Variants in SLC12A2 observed in about 807,000 individuals in gnomAD.
The protein encoded by SLC12A2 is Na-K-2Cl cotransporter 1.
Under a neutral mutation model 136.3 loss-of-function variants are expected in SLC12A2, and 67 were observed. That is an observed-to-expected ratio of 0.49 (90% confidence interval 0.40 to 0.60). The LOEUF is 0.60. Among genes scored for constraint, SLC12A2 ranks in the 20% least tolerant of loss-of-function variants. The pLI, the probability that SLC12A2 is intolerant of heterozygous loss-of-function variation, is 0.00. For synonymous variants in SLC12A2, 619 were observed against 562.9 expected, an observed-to-expected ratio of 1.10 and a Z score of -1.41; for missense variants, 1,322 against 1,534.7, an observed-to-expected ratio of 0.86 and a Z score of 2.32.
At chr5:128,110,949 C>A in intron 1 of SLC12A2, 1 of 829,514 alleles carries the variant, frequency 1.2e-6, no homozygotes, top group Non-Finnish European at 2.1e-6. Context: ...CTGAGAATGA[C>A]CTCTTCCCTT....
chr5:128,132,214 G>A (rs1762048414), intron 5 of SLC12A2, among the ~76,000 whole-genome samples: 1 of 152,084 alleles, frequency 6.6e-6, no homozygotes, highest in Non-Finnish European at 1.5e-5. Flanking sequence ...TGGACTTGAG[G>A]AATCACAAAT....
At chr5:128,166,476 G>T (rs1315996537) in intron 17 of SLC12A2, among the ~76,000 whole-genome samples, 1 of 151,816 alleles carries the variant, frequency 6.6e-6, no homozygotes, top group African/African-American at 2.4e-5. Context: ...GTGTGTGTGT[G>T]TGTGTTTGTG....
At chr5:128,111,494 G>A (rs1761142085) in intron 1 of SLC12A2, among the ~76,000 whole-genome samples, 1 of 152,042 alleles carries the variant, frequency 6.6e-6, no homozygotes, top group Admixed American at 6.5e-5. Context: ...GGCTGGGCAC[G>A]GTGGCTCACA....
chr5:128,116,704 G>A (rs1429753079), intron 4 of SLC12A2, among the ~76,000 whole-genome samples: 1 of 152,138 alleles, frequency 6.6e-6, no homozygotes, highest in Non-Finnish European at 1.5e-5. Flanking sequence ...AATTTAAAGA[G>A]TGACCAGATA....
intron 1 of SLC12A2, among the ~76,000 whole-genome samples, chr5:128,088,548 TTTTG>T (rs199984664): frequency 0.053 from 7,949 of 150,088 alleles, 275 homozygotes; most frequent in Non-Finnish European, 0.072. Context: ...AGTTTTTTGT[TTTTG>T]TTTGTTTGTT....
In SLC12A2 at chr5:128,178,673, G is replaced by T; in HGVS notation, c.3084G>T (p.Trp1028Cys). 1 of 1,567,174 alleles carries T rather than the reference G, an allele frequency of 6.4e-7. No homozygotes were observed. Among genetic ancestry groups the T allele is most frequent in the Non-Finnish European group, 8.6e-7 (1 of 1,161,410 alleles). Residue 1028 changes from tryptophan to cysteine, a missense_variant, in exon 22 of 27, where the codon TGG becomes TGT. Transcript: ENST00000262461. Reference sequence around the variant, plus strand: ...GAAAGAATACTATTGATGTCTGGTGGCTTTTTGATGATGGAGGTAAGGTTG... The same window carrying T: ...GAAAGAATACTATTGATGTCTGGTGTCTTTTTGATGATGGAGGTAAGGTTG... ...KQGKNTIDVW[W>C]LFDDGGLTLL...
intron 16 of SLC12A2, among the ~76,000 whole-genome samples, chr5:128,161,212 A>G (rs1763025215): frequency 6.6e-6 from 1 of 152,192 alleles, no homozygotes; most frequent in Admixed American, 6.5e-5. Flanking sequence ...TTAAAGAAAA[A>G]TGCATTAATA....
chr5:128,157,500 G>A (rs190274498), intron 15 of SLC12A2, among the ~76,000 whole-genome samples: 1 of 152,242 alleles, frequency 6.6e-6, no homozygotes, highest in African/African-American at 2.4e-5. Flanking sequence ...AGAGAGGGCT[G>A]ATATCATGAA....
intron 16 of SLC12A2, among the ~76,000 whole-genome samples, chr5:128,161,129 A>G (rs960002136): frequency 1.3e-5 from 2 of 152,198 alleles, no homozygotes; most frequent in Non-Finnish European, 2.9e-5. Flanking sequence ...ATTGCTTGCA[A>G]GGATCAAAAT....
Position 128,158,156 on chromosome 5 carries a change from G to A in SLC12A2, c.2467G>A (p.Val823Ile), listed in dbSNP as rs1195628960. Reference protein sequence around the residue: ...KNVGLMICGHVHMGPRRQAMK... With the variant: ...KNVGLMICGHIHMGPRRQAMK... ...TGTTGGTTTGATGATCTGTGGCCAT[G>A]TACATATGGTAAGTATCAATTTTGT... is the stretch of plus-strand genomic sequence containing the variant. The change falls in exon 16 of 27, where the codon GTA (valine) becomes ATA (isoleucine). Residue 823 changes from valine to isoleucine, a missense_variant. Val to Ile is a conservative substitution (Grantham distance 29). Coordinates refer to ENST00000262461, the MANE Select transcript of SLC12A2 (RefSeq NM_001046.3). 1 of 1,600,400 alleles carries A rather than the reference G, an allele frequency of 6.2e-7. No homozygotes were observed. Among genetic ancestry groups the A allele is most frequent in the Admixed American group, 1.7e-5 (1 of 57,222 alleles).
At chr5:128,163,068 A>T (rs1340663031) in intron 17 of SLC12A2, among the ~76,000 whole-genome samples, 1 of 152,152 alleles carries the variant, frequency 6.6e-6, no homozygotes, top group African/African-American at 2.4e-5. Flanking sequence ...GACATAGAGC[A>T]ATTGGAAATC....
chr5:128,148,226 G>A (rs1329728726), intron 11 of SLC12A2, among the ~76,000 whole-genome samples: 1 of 151,648 alleles, frequency 6.6e-6, no homozygotes, highest in Non-Finnish European at 1.5e-5. Flanking sequence ...GCTGAATACT[G>A]ATGGGAAGTA....
intron 23 of SLC12A2, 104 bp downstream of exon 23, chr5:128,181,098 C>T: frequency 1.3e-6 from 1 of 789,464 alleles, no homozygotes; most frequent in Non-Finnish European, 2.2e-6. Flanking sequence ...TGTCTATTAT[C>T]TTGCTTTGTT....
intron 15 of SLC12A2, among the ~76,000 whole-genome samples, chr5:128,154,000 A>T (rs1762792922): frequency 6.6e-6 from 1 of 151,418 alleles, no homozygotes; most frequent in African/African-American, 2.4e-5. Flanking sequence ...TTATGTAAAA[A>T]GTTGTATCCT....
At chr5:128,116,413 A>C (rs1322047071) in intron 4 of SLC12A2, among the ~76,000 whole-genome samples, 1 of 149,036 alleles carries the variant, frequency 6.7e-6, no homozygotes, top group Non-Finnish European at 1.5e-5. Context: ...ATATATATAT[A>C]TATATCTCTT....
At chr5:128,181,669 G>A (rs1283180652) in intron 23 of SLC12A2, among the ~76,000 whole-genome samples, 1 of 152,100 alleles carries the variant, frequency 6.6e-6, no homozygotes, top group East Asian at 1.9e-4. Context: ...ACCTGCCATA[G>A]AAAATCTAAT....
chr5:128,134,154 C>G lies in SLC12A2; in HGVS notation c.1189-11C>G. ...AGTATTGCTTATTATATTTATGATT[C>G]CTTTTTCTAGGAACATTCCATACTT... is the stretch of plus-strand genomic sequence containing the variant. On this transcript the variant is annotated splice_polypyrimidine_tract_variant and intron_variant, in intron 5 of 26. Transcript: ENST00000262461. 1 of 1,363,622 alleles carries G rather than the reference C, an allele frequency of 7.3e-7. No individual in the cohort carries two copies. The highest frequency in any genetic ancestry group is 1.9e-4 in the Middle Eastern group (1 of 5,132). The allele number at this position is 1,363,622 out of a possible 1,614,324, so 84.5% of individuals were successfully genotyped here.
Position 128,083,943 on chromosome 5 carries a change from G to A in SLC12A2, c.-12G>A. Reference sequence around the variant, plus strand: ...CGCCGGGCTCTGCAGTTCCGCCGGGGGTCGGGCAGCTATGGAGCCGCGGCC... The same window carrying A: ...CGCCGGGCTCTGCAGTTCCGCCGGGAGTCGGGCAGCTATGGAGCCGCGGCC... On this transcript the variant is annotated 5_prime_UTR_variant, in exon 1 of 27. Coordinates refer to ENST00000262461, the MANE Select transcript of SLC12A2 (RefSeq NM_001046.3). 2 of 1,230,018 alleles carry A rather than the reference G, an allele frequency of 1.6e-6. No individual in the cohort carries two copies. Among genetic ancestry groups the A allele is most frequent in the Non-Finnish European group, 2.0e-6 (2 of 985,810 alleles). The allele number at this position is 1,230,018 out of a possible 1,614,324, so 76.2% of individuals were successfully genotyped here.
At chr5:128,151,466 T>G in intron 14 of SLC12A2, 70 bp downstream of exon 14, 5 of 1,355,380 alleles carry the variant, frequency 3.7e-6, no homozygotes, top group Non-Finnish European at 5.0e-6. Flanking sequence ...CTAGAAGTTC[T>G]TTGTTATTTT....
Sources: gnomAD v4.1 joint callset for allele counts (sites outside exome capture counted in the v4.1 genomes callset) on GRCh38, gnomAD v4.1.1 for gene constraint, MANE v1.5 for transcripts, NCBI Gene and HGNC (gene_info 2026-07-23, HGNC 2026-07-21) for gene names.